Variants in TMEM108 observed in about 807,000 individuals in gnomAD.
TMEM108 encodes the protein cancer/testis antigen 124.
TMEM108 carries 12 observed loss-of-function variants against 35.1 expected under a neutral mutation model. The observed-to-expected ratio is 0.34, with a 90% CI of 0.22 to 0.55. The LOEUF is 0.55. TMEM108 is among the 20% of genes least tolerant of loss of function. The pLI is 0.89. For missense variants in TMEM108, 680 were observed against 753.3 expected, an observed-to-expected ratio of 0.90 and a Z score of 1.14; for synonymous variants, 287 against 308.6, an observed-to-expected ratio of 0.93 and a Z score of 0.73.
intron 3 of TMEM108, among the ~76,000 whole-genome samples, chr3:133,276,542 G>T (rs1164169548): frequency 6.6e-6 from 1 of 152,186 alleles, no homozygotes; most frequent in Non-Finnish European, 1.5e-5. Flanking sequence ...AAGCCCTTAA[G>T]AATCTTGTCA....
chr3:133,383,262 G>A (rs929702592), intron 4 of TMEM108, among the ~76,000 whole-genome samples: 1 of 152,166 alleles, frequency 6.6e-6, no homozygotes, highest in African/African-American at 2.4e-5. Context: ...CATAAAAGCA[G>A]GAACAAGCAA....
chr3:133,350,461 A>G (rs1213099099), intron 3 of TMEM108, among the ~76,000 whole-genome samples: 1 of 152,198 alleles, frequency 6.6e-6, no homozygotes. Context: ...AAAAAAGATG[A>G]TAAATGCATG....
At chr3:133,389,234 G>A in intron 4 of TMEM108, 7 of 985,488 alleles carry the variant, frequency 7.1e-6, no homozygotes, top group South Asian at 4.7e-5. Context: ...ACAATATCGA[G>A]ACATAATTCT....
intron 5 of TMEM108, among the ~76,000 whole-genome samples, chr3:133,392,946 G>A (rs968097887): frequency 3.9e-5 from 6 of 152,096 alleles, no homozygotes; most frequent in Non-Finnish European, 7.4e-5. Flanking sequence ...TCCCATGTCC[G>A]CCACAGCTTC....
intron 2 of TMEM108, 42 bp from the exon 3 acceptor site, chr3:133,229,224 A>G (rs1053361496): frequency 7.7e-7 from 1 of 1,304,498 alleles, no homozygotes; most frequent in East Asian, 2.3e-5. Context: ...TTTTTAAATT[A>G]TGTTCCTCAG....
intron 2 of TMEM108, among the ~76,000 whole-genome samples, chr3:133,071,801 A>G (rs1943679157): frequency 6.6e-6 from 1 of 152,048 alleles, no homozygotes; most frequent in South Asian, 2.1e-4. Context: ...TTTTCACTCT[A>G]CTGATATTGT....
chr3:133,262,406 G>A (rs1175068052), intron 3 of TMEM108, among the ~76,000 whole-genome samples: 1 of 152,180 alleles, frequency 6.6e-6, no homozygotes, highest in African/African-American at 2.4e-5. Context: ...TGCCCTCTGG[G>A]CAGATTTTCT....
At chr3:133,119,197 A>G (rs1232028296) in intron 2 of TMEM108, 2 of 151,980 alleles carry the variant, frequency 1.3e-5, no homozygotes, top group African/African-American at 4.8e-5. Context: ...AGAGTGTATC[A>G]AAGAATACCA....
At chr3:133,052,541 G>GA (rs563092234) in intron 2 of TMEM108, among the ~76,000 whole-genome samples, 17,144 of 117,712 alleles carry the variant, frequency 0.15, 1,076 homozygotes, top group Middle Eastern at 0.24. Context: ...TACAATGTTT[G>GA]AAAAAAAAAA....
At chr3:133,284,326 C>G (rs1477763375) in intron 3 of TMEM108, among the ~76,000 whole-genome samples, 3 of 152,206 alleles carry the variant, frequency 2.0e-5, no homozygotes, top group Non-Finnish European at 4.4e-5. Flanking sequence ...TTCACACCCT[C>G]TGTTGAAAGT....
At chr3:133,276,294 G>A (rs547677130) in intron 3 of TMEM108, among the ~76,000 whole-genome samples, 61 of 152,234 alleles carry the variant, frequency 4.0e-4, no homozygotes, top group African/African-American at 1.5e-3. Flanking sequence ...ATTCTTGTGG[G>A]GCCAGCCAAG....
At chr3:133,087,421 C>T (rs999236444) in intron 2 of TMEM108, among the ~76,000 whole-genome samples, 7 of 152,198 alleles carry the variant, frequency 4.6e-5, no homozygotes, top group Admixed American at 2.6e-4. Flanking sequence ...TGTTGTATAG[C>T]CCCAGTCTGG....
At chr3:133,386,817 G>C (rs1267294933) in intron 4 of TMEM108, 1 of 736,212 alleles carries the variant, frequency 1.4e-6, no homozygotes, top group Non-Finnish European at 1.7e-6. Flanking sequence ...TCAACTTGAA[G>C]ATCATCAAGA....
At chr3:133,050,263 T>C (rs1943387764) in intron 2 of TMEM108, among the ~76,000 whole-genome samples, 1 of 152,160 alleles carries the variant, frequency 6.6e-6, no homozygotes, top group African/African-American at 2.4e-5. Flanking sequence ...AACCCTGCTG[T>C]TTTTCTTTTG....
At chr3:133,055,002 G>T (rs986989734) in intron 2 of TMEM108, among the ~76,000 whole-genome samples, 5 of 152,206 alleles carry the variant, frequency 3.3e-5, no homozygotes, top group African/African-American at 4.8e-5. Context: ...TTACTGAAGG[G>T]TGATGGAGAT....
chr3:133,180,481 T>C (rs2107802596), intron 2 of TMEM108, among the ~76,000 whole-genome samples: 1 of 152,294 alleles, frequency 6.6e-6, no homozygotes, highest in East Asian at 1.9e-4. Flanking sequence ...TTTTTGTTTT[T>C]AGCATTCTAG....
chr3:133,228,858 C>T (rs941906948), intron 2 of TMEM108, among the ~76,000 whole-genome samples: 7 of 152,040 alleles, frequency 4.6e-5, no homozygotes, highest in African/African-American at 1.7e-4. Context: ...TCAAGTGTGG[C>T]GAAGCTTTCT....
intron 2 of TMEM108, among the ~76,000 whole-genome samples, chr3:133,166,497 T>G (rs1945039736): frequency 6.6e-6 from 1 of 152,210 alleles, no homozygotes. Context: ...CCGGAGTTTG[T>G]TCCTTCTGAT....
At chr3:133,103,125 G>T (rs1047433327) in intron 2 of TMEM108, among the ~76,000 whole-genome samples, 1 of 152,082 alleles carries the variant, frequency 6.6e-6, no homozygotes, top group South Asian at 2.1e-4. Flanking sequence ...TTATAAAGAC[G>T]CATGCACACC....
Sources: allele counts gnomAD v4.1 joint callset (sites outside exome capture counted in the v4.1 genomes callset), GRCh38; gene constraint gnomAD v4.1.1; transcripts MANE v1.5; gene names NCBI Gene and HGNC (gene_info 2026-07-23, HGNC 2026-07-21).